Variants in CA10 observed in about 807,000 individuals in gnomAD.
The protein encoded by CA10 is carbonic anhydrase 10 (inactive).
A neutral mutation model predicts 44.2 loss-of-function variants in CA10; 14 were observed. That is an observed-to-expected ratio of 0.32 (90% CI 0.21 to 0.50). The LOEUF (loss-of-function observed/expected upper bound fraction) is 0.50. Among genes scored for constraint, CA10 ranks in the 20% least tolerant of loss-of-function variants. CA10 has a pLI of 0.99. For synonymous variants in CA10, 159 were observed against 141.6 expected (o/e 1.12, Z -0.87); for missense variants, 350 against 409.7 (o/e 0.85, Z 1.26).
intron 3 of CA10, chr17:51,762,293 A>AG (rs1905237272): frequency 6.6e-6 from 1 of 152,186 alleles, no homozygotes; most frequent in Non-Finnish European, 1.5e-5. Context: ...CATTTCCTGG[A>AG]GGAGTAGGCA....
At chr17:51,786,735 G>C (rs1470895759) in intron 3 of CA10, among the ~76,000 whole-genome samples, 1 of 151,892 alleles carries the variant, frequency 6.6e-6, no homozygotes, top group Non-Finnish European at 1.5e-5. Context: ...TGAAAAGTGG[G>C]CATTCTTGTT....
At chr17:51,644,713 TA>T (rs902452294) in intron 6 of CA10, among the ~76,000 whole-genome samples, 1 of 151,672 alleles carries the variant, frequency 6.6e-6, no homozygotes, top group African/African-American at 2.4e-5. Context: ...TTGCTCAGGC[TA>T]AAAGTCTTAC....
chr17:52,017,938 C>A (rs190495777), intron 2 of CA10, among the ~76,000 whole-genome samples: 2 of 152,102 alleles, frequency 1.3e-5, no homozygotes, highest in African/African-American at 4.8e-5. Context: ...TTCCTGGCTG[C>A]GGCTCAAGGC....
chr17:51,835,950 A>G (rs915292710), intron 3 of CA10, among the ~76,000 whole-genome samples: 2 of 152,198 alleles, frequency 1.3e-5, no homozygotes, highest in Non-Finnish European at 2.9e-5. Flanking sequence ...GGAAGGAAGA[A>G]CATGAATAAA....
chr17:52,119,717 T>C lies in CA10; in HGVS notation c.61+38009A>G, dbSNP rs537429497. On this transcript the variant is annotated intron_variant, in intron 1 of 8. Transcript: ENST00000451037. ...TTTATGCAAATAATCAGGCCAAGTA[T>C]AAGACTAAAGTCTATTTTTCAAACA... Among the ~76,000 whole-genome samples, 15 of 152,336 alleles carry C rather than the reference T, an allele frequency of 9.8e-5. No individual in the cohort carries two copies. The East Asian group carries it at 2.9e-3, about 29-fold the overall frequency.
intron 5 of CA10, among the ~76,000 whole-genome samples, chr17:51,651,279 G>A (rs923749886): frequency 6.6e-6 from 1 of 152,192 alleles, no homozygotes; most frequent in African/African-American, 2.4e-5. Flanking sequence ...CTGGATACCA[G>A]TGCCTAGCAG....
Position 51,677,679 on chromosome 17 carries a change from G to A in CA10, c.466-23943C>T, listed in dbSNP as rs75670412. Among the ~76,000 whole-genome samples, 1,291 of 152,162 alleles carry A rather than the reference G, an allele frequency of 8.5e-3. 65 individuals are homozygous for A. In the East Asian group the frequency reaches 0.16, roughly 19 times the overall value. ...ACAGGGTGGAGTAGAGAGAGAGAGA[G>A]AACTGTCATAAATTCCTAAAGACTT... On this transcript the variant is annotated intron_variant, in intron 4 of 8. Transcript: ENST00000451037.
chr17:51,938,188 G>A (rs781447069), intron 2 of CA10, among the ~76,000 whole-genome samples: 3 of 152,160 alleles, frequency 2.0e-5, no homozygotes, highest in Non-Finnish European at 4.4e-5. Flanking sequence ...TCACAGAGCT[G>A]TTGGGAAGAT....
chr17:51,776,463 C>A (rs1176826338), intron 3 of CA10, among the ~76,000 whole-genome samples: 1 of 152,002 alleles, frequency 6.6e-6, no homozygotes, highest in Non-Finnish European at 1.5e-5. Flanking sequence ...GAATATAGAC[C>A]ATTTAGCTCA....
chr17:51,825,718 C>T (rs1248333369), intron 3 of CA10, among the ~76,000 whole-genome samples: 2 of 152,248 alleles, frequency 1.3e-5, no homozygotes, highest in East Asian at 1.9e-4. Flanking sequence ...CTATGACTCT[C>T]TCCCATTTTT....
chr17:52,139,298 C>T (rs1989426525), intron 1 of CA10, among the ~76,000 whole-genome samples: 1 of 152,132 alleles, frequency 6.6e-6, no homozygotes, highest in Non-Finnish European at 1.5e-5. Context: ...TAGTTGTTTA[C>T]ATTAAATTAA....
intron 2 of CA10, among the ~76,000 whole-genome samples, chr17:52,069,788 C>A (rs1987632615): frequency 6.6e-6 from 1 of 152,166 alleles, no homozygotes; most frequent in Admixed American, 6.5e-5. Context: ...TCCACCACAG[C>A]TTTGTTGAAG....
intron 4 of CA10, among the ~76,000 whole-genome samples, chr17:51,691,417 G>A (rs1915188040): frequency 6.6e-6 from 1 of 152,054 alleles, no homozygotes; most frequent in Non-Finnish European, 1.5e-5. Flanking sequence ...TTTTAAATCA[G>A]GTGTTTTTAC....
At chr17:51,856,282 CAT>C (rs368929972) in intron 3 of CA10, among the ~76,000 whole-genome samples, 5 of 152,090 alleles carry the variant, frequency 3.3e-5, no homozygotes, top group Admixed American at 1.3e-4. Context: ...ATTGCAAACT[CAT>C]AGTTTGTTTC....
chr17:51,716,189 T>TG (rs1916108672), intron 4 of CA10, among the ~76,000 whole-genome samples: 1 of 152,142 alleles, frequency 6.6e-6, no homozygotes, highest in Non-Finnish European at 1.5e-5. Flanking sequence ...GCTCCCCACC[T>TG]GGGGACGGTC....
chr17:51,772,993 G>A (rs1449823470), intron 3 of CA10, among the ~76,000 whole-genome samples: 3 of 152,086 alleles, frequency 2.0e-5, no homozygotes, highest in Non-Finnish European at 4.4e-5. Context: ...AGCATGCATT[G>A]CTTTATGTGC....
chr17:51,665,001 G>C (rs549847668), intron 4 of CA10, among the ~76,000 whole-genome samples: 1 of 152,244 alleles, frequency 6.6e-6, no homozygotes, highest in South Asian at 2.1e-4. Context: ...CTCACACACT[G>C]CTTGCCAAAG....
At chr17:52,024,460 C>T (rs1986237599) in intron 2 of CA10, among the ~76,000 whole-genome samples, 1 of 151,780 alleles carries the variant, frequency 6.6e-6, no homozygotes, top group African/African-American at 2.4e-5. Flanking sequence ...TCACTATAAA[C>T]CCGTGCATGC....
intron 3 of CA10, among the ~76,000 whole-genome samples, chr17:51,918,286 C>CAAAAAA (rs1982083918): frequency 6.6e-6 from 1 of 152,124 alleles, no homozygotes. Context: ...TAAAAGGAAG[C>CAAAAAA]AAGAGTGGCT....
Sources: allele counts gnomAD v4.1 joint callset (sites outside exome capture counted in the v4.1 genomes callset), GRCh38; gene constraint gnomAD v4.1.1; transcripts MANE v1.5; gene names NCBI Gene and HGNC (gene_info 2026-07-23, HGNC 2026-07-21).